GPR39: variants seen among roughly 807,000 people sequenced by gnomAD.
GPR39 encodes the protein zinc sensing receptor.
In GPR39, 23 loss-of-function variants were observed where a neutral mutation model predicts 18.4. The ratio of observed to expected loss-of-function variants is 1.25; its 90% CI spans 0.90 to 1.77. The LOEUF (loss-of-function observed/expected upper bound fraction) is 1.77, where lower values mean the gene tolerates loss of function less well. GPR39 is among the 40% of genes most tolerant of loss of function. The probability of loss-of-function intolerance (pLI) is 0.00; values close to 1 mark genes in which losing one functional copy is unlikely to be tolerated. For synonymous variants in GPR39, 280 were observed against 257.9 expected (o/e 1.09, Z -0.82); for missense variants, 647 against 602.4 (o/e 1.07, Z -0.78).
At chr2:132,580,820 G>T (rs1177194263) in intron 1 of GPR39, among the ~76,000 whole-genome samples, 1 of 148,034 alleles carries the variant, frequency 6.8e-6, no homozygotes, top group East Asian at 1.9e-4. Flanking sequence ...AAATTTGCCG[G>T]GTGTGGTGGT....
At position 132,486,581 on chromosome 2, in the gene GPR39, A is replaced by T. The variant is rs183382541; in HGVS notation, c.856+68683A>T. On this transcript the variant is annotated intron_variant, in intron 1 of 1. Coordinates refer to ENST00000329321, the MANE Select transcript of GPR39 (RefSeq NM_001508.3). Reference sequence around the variant, plus strand: ...ACTTGCTGCTTCACTTTGCACATTTATGTTATCCAGATGGCTTCCTTTCTT... The same window carrying T: ...ACTTGCTGCTTCACTTTGCACATTTTTGTTATCCAGATGGCTTCCTTTCTT... Among the ~76,000 whole-genome samples the T allele has an allele frequency of 2.2e-3, 339 of 152,314 alleles. 1 individual carries two copies. Among genetic ancestry groups the T allele is most frequent in the Non-Finnish European group, 3.5e-3 (239 of 68,028 alleles).
chr2:132,555,699 A>T (rs994569369), intron 1 of GPR39, among the ~76,000 whole-genome samples: 21 of 152,172 alleles, frequency 1.4e-4, no homozygotes, highest in South Asian at 2.1e-4. Flanking sequence ...GTGGGAGGAG[A>T]TTAAATAAAG....
intron 1 of GPR39, among the ~76,000 whole-genome samples, chr2:132,609,259 T>TG (rs1434782431): frequency 6.6e-6 from 1 of 152,228 alleles, no homozygotes; most frequent in Non-Finnish European, 1.5e-5. Flanking sequence ...GCTGTGTCCC[T>TG]GGCTATTCTT....
At chr2:132,581,658 C>T (rs1177105199) in intron 1 of GPR39, among the ~76,000 whole-genome samples, 1 of 152,072 alleles carries the variant, frequency 6.6e-6, no homozygotes, top group Non-Finnish European at 1.5e-5. Context: ...CGGAGTGAGG[C>T]CCTTAGTTTC....
chr2:132,556,382 A>G (rs368289841), intron 1 of GPR39, among the ~76,000 whole-genome samples: 81 of 152,308 alleles, frequency 5.3e-4, no homozygotes, highest in African/African-American at 1.9e-3. Context: ...CCAATTACCA[A>G]TAGTTAACTA....
intron 1 of GPR39, among the ~76,000 whole-genome samples, chr2:132,422,494 A>C (rs192840422): frequency 1.3e-5 from 2 of 150,452 alleles, no homozygotes; most frequent in Admixed American, 1.3e-4. Flanking sequence ...TGTTTTCTTC[A>C]CTAGGTTAAA....
intron 1 of GPR39, among the ~76,000 whole-genome samples, chr2:132,581,002 A>C (rs1457563187): frequency 2.6e-5 from 4 of 151,278 alleles, no homozygotes; most frequent in Non-Finnish European, 5.9e-5. Flanking sequence ...AAAAAACAAC[A>C]AAAAAACTGC....
chr2:132,591,827 C>A (rs1457363548), intron 1 of GPR39, among the ~76,000 whole-genome samples: 3 of 152,040 alleles, frequency 2.0e-5, no homozygotes, highest in Admixed American at 6.5e-5. Flanking sequence ...TTAAAAAAAA[C>A]CATGTACAAG....
intron 1 of GPR39, among the ~76,000 whole-genome samples, chr2:132,476,715 G>A (rs1681136298): frequency 6.6e-6 from 1 of 151,588 alleles, no homozygotes; most frequent in African/African-American, 2.4e-5. Context: ...GCGGGAAAAG[G>A]AAGTGAGGTA....
At chr2:132,526,291 A>G (rs11681029) in intron 1 of GPR39, among the ~76,000 whole-genome samples, 6,993 of 152,184 alleles carry the variant, frequency 0.046, 221 homozygotes, top group African/African-American at 0.078. Flanking sequence ...TTGACCCCAA[A>G]AGTTTTAGCC....
At chr2:132,610,797 A>C (rs1681225477) in intron 1 of GPR39, among the ~76,000 whole-genome samples, 2 of 148,432 alleles carry the variant, frequency 1.3e-5, no homozygotes, top group South Asian at 4.2e-4. Context: ...AAAAAAAAAA[A>C]AGAAGAAGAA....
chr2:132,581,395 G>A (rs1325700466), intron 1 of GPR39, among the ~76,000 whole-genome samples: 2 of 151,450 alleles, frequency 1.3e-5, no homozygotes, highest in Admixed American at 6.6e-5. Context: ...CTCTTAGTAG[G>A]TCTGGGGTTC....
At chr2:132,640,244 T>C (rs894951737) in intron 1 of GPR39, among the ~76,000 whole-genome samples, 1 of 152,200 alleles carries the variant, frequency 6.6e-6, no homozygotes, top group African/African-American at 2.4e-5. Context: ...GCACTTAAGA[T>C]GAAACCAAGC....
intron 1 of GPR39, among the ~76,000 whole-genome samples, chr2:132,440,232 G>A (rs922639302): frequency 6.6e-6 from 1 of 152,174 alleles, no homozygotes; most frequent in African/African-American, 2.4e-5. Flanking sequence ...TGAACAAAGG[G>A]CCAGTGGCCG....
chr2:132,570,539 A>G (rs1220088385), intron 1 of GPR39, among the ~76,000 whole-genome samples: 2 of 152,024 alleles, frequency 1.3e-5, no homozygotes, highest in African/African-American at 4.8e-5. Context: ...TCATTCTCAG[A>G]ACTTATTCTT....
At chr2:132,644,006 C>G (rs909308059) in intron 1 of GPR39, among the ~76,000 whole-genome samples, 1 of 152,192 alleles carries the variant, frequency 6.6e-6, no homozygotes, top group Non-Finnish European at 1.5e-5. Context: ...AAGGTAGCAG[C>G]TCTCTACAGG....
chr2:132,435,570 CTG>C (rs1472972245), intron 1 of GPR39, among the ~76,000 whole-genome samples: 1 of 152,156 alleles, frequency 6.6e-6, no homozygotes, highest in African/African-American at 2.4e-5. Context: ...AGATTTTTGA[CTG>C]TGCAGGGAAG....
rs538530828 is a variant in GPR39, at chr2:132,430,052, G to A, written c.856+12154G>A. On this transcript the variant is annotated intron_variant, in intron 1 of 1. Coordinates refer to ENST00000329321, the MANE Select transcript of GPR39 (RefSeq NM_001508.3). ...GAGAAGAGGAGTGGCAGGAAGGAGT[G>A]CAAAAACACTGATGTGGCCATGTGG... 2.2e-4 allele frequency among the ~76,000 whole-genome samples: 33 copies of A among 152,338 alleles called. No homozygotes were observed. In the South Asian group the frequency reaches 6.2e-3, roughly 29 times the overall value.
chr2:132,486,496 A>G (rs751519396), intron 1 of GPR39, among the ~76,000 whole-genome samples: 6 of 152,212 alleles, frequency 3.9e-5, no homozygotes, highest in Non-Finnish European at 7.3e-5. Flanking sequence ...TAGTGTAGCC[A>G]CCTTCATCTA....
Sources: gnomAD v4.1 joint callset for allele counts (sites outside exome capture counted in the v4.1 genomes callset) on GRCh38, gnomAD v4.1.1 for gene constraint, MANE v1.5 for transcripts, NCBI Gene and HGNC (gene_info 2026-07-23, HGNC 2026-07-21) for gene names.